CLEC16A: variants seen among roughly 807,000 people sequenced by gnomAD.
CLEC16A encodes the protein C-type lectin domain containing 16A.
Under a neutral mutation model 109.5 loss-of-function variants are expected in CLEC16A, and 51 were observed. The observed-to-expected ratio is 0.47, with a 90% CI of 0.37 to 0.59. CLEC16A has a LOEUF of 0.59. Among genes scored for constraint, CLEC16A ranks in the 20% least tolerant of loss-of-function variants. CLEC16A has a pLI of 0.00. For synonymous variants in CLEC16A, 673 were observed against 564.2 expected, an observed-to-expected ratio of 1.19 and a Z score of -2.73; for missense variants, 1,339 against 1,394.0, an observed-to-expected ratio of 0.96 and a Z score of 0.63.
chr16:11,038,685 A>G (rs1469024393), intron 13 of CLEC16A, among the ~76,000 whole-genome samples: 1 of 152,142 alleles, frequency 6.6e-6, no homozygotes, highest in African/African-American at 2.4e-5. Flanking sequence ...TTGAATTTTC[A>G]CTGGAGGAAA....
chr16:10,994,966 G>A (rs1238771757), intron 10 of CLEC16A, among the ~76,000 whole-genome samples: 2 of 152,220 alleles, frequency 1.3e-5, no homozygotes, highest in African/African-American at 4.8e-5. Context: ...CCTGGGCACT[G>A]GGGCTAGTTT....
intron 19 of CLEC16A, among the ~76,000 whole-genome samples, chr16:11,094,154 C>G (rs936451574): frequency 1.3e-5 from 2 of 152,170 alleles, no homozygotes; most frequent in African/African-American, 4.8e-5. Context: ...CAGAGTACTT[C>G]CTCTTTTGTA....
At chr16:11,081,295 A>G (rs1157790297) in intron 19 of CLEC16A, among the ~76,000 whole-genome samples, 2 of 152,096 alleles carry the variant, frequency 1.3e-5, no homozygotes, top group Non-Finnish European at 2.9e-5. Flanking sequence ...GTACAAGTTA[A>G]AATTCTTCCC....
At chr16:10,994,872 G>A (rs1411820636) in intron 10 of CLEC16A, among the ~76,000 whole-genome samples, 1 of 152,142 alleles carries the variant, frequency 6.6e-6, no homozygotes, top group Admixed American at 6.5e-5. Context: ...CAGTGCTCCC[G>A]GGAGGCTGGC....
intron 22 of CLEC16A, among the ~76,000 whole-genome samples, chr16:11,128,100 T>A (rs539680082): frequency 2.6e-4 from 39 of 152,326 alleles, no homozygotes; most frequent in African/African-American, 8.4e-4. Flanking sequence ...ATGACTTCTT[T>A]AGGGTCATTG....
At chr16:11,012,807 A>T (rs1002078107) in intron 11 of CLEC16A, among the ~76,000 whole-genome samples, 2 of 152,170 alleles carry the variant, frequency 1.3e-5, no homozygotes, top group African/African-American at 4.8e-5. Context: ...GGCTTGTTGA[A>T]TGCTTTCATA....
chr16:11,028,294 C>A (rs1274278417), intron 13 of CLEC16A, among the ~76,000 whole-genome samples: 5 of 152,188 alleles, frequency 3.3e-5, no homozygotes, highest in Non-Finnish European at 5.9e-5. Context: ...ACATTGGGTG[C>A]TGCGTCGTCT....
At chr16:11,157,871 C>T (rs1436098362) in intron 22 of CLEC16A, among the ~76,000 whole-genome samples, 7 of 152,146 alleles carry the variant, frequency 4.6e-5, no homozygotes, top group Non-Finnish European at 7.4e-5. Flanking sequence ...TCCTAGCCCC[C>T]GCCTGCCCTC....
At chr16:11,165,982 C>T (rs925748350) in intron 22 of CLEC16A, among the ~76,000 whole-genome samples, 7 of 152,206 alleles carry the variant, frequency 4.6e-5, no homozygotes, top group African/African-American at 1.2e-4. Context: ...AGCATGGGTC[C>T]GGTGCCCTTC....
At chr16:11,061,675 G>C (rs2048487469) in intron 19 of CLEC16A, among the ~76,000 whole-genome samples, 1 of 152,162 alleles carries the variant, frequency 6.6e-6, no homozygotes, top group South Asian at 2.1e-4. Context: ...TGAGCAGCAT[G>C]GTTTTCTGTT....
chr16:11,039,742 C>A lies in CLEC16A; in HGVS notation c.1538-12C>A, dbSNP rs200878023. ...AGGAGGCCTCCACTTACATCCTTCT[C>A]CTCTGTTCCAGGCATGGATCCTGAA... On this transcript the variant is annotated splice_polypyrimidine_tract_variant and intron_variant, in intron 13 of 23. Coordinates refer to ENST00000409790, the MANE Select transcript of CLEC16A (RefSeq NM_015226.3). The A allele has an allele frequency of 6.3e-7, 1 of 1,591,262 alleles. No individual in the cohort carries two copies. The highest frequency in any genetic ancestry group is 1.1e-5 in the South Asian group (1 of 87,080).
At chr16:11,130,920 A>T (rs188811359) in intron 22 of CLEC16A, among the ~76,000 whole-genome samples, 1 of 152,206 alleles carries the variant, frequency 6.6e-6, no homozygotes, top group Non-Finnish European at 1.5e-5. Context: ...ATTGTATTTG[A>T]TGAAAATATG....
Position 11,157,305 on chromosome 16 carries a change from C to T in CLEC16A, c.2642-9083C>T, listed in dbSNP as rs991511798. 25 of 1,055,818 alleles carry T rather than the reference C, an allele frequency of 2.4e-5. No individual in the cohort carries two copies. In the African/African-American group the frequency reaches 2.7e-4, roughly 11 times the overall value. The allele number at this position is 1,055,818 out of a possible 1,614,324, so 65.4% of individuals were successfully genotyped here. ...CTCAGGCTTGGCCCGGGAGGCCATA[C>T]GAACATCCCTTCCCCAGGTGCCTGA... On this transcript the variant is annotated intron_variant, in intron 22 of 23. Transcript: ENST00000409790.
Position 11,060,887 on chromosome 16 carries a change from G to T in CLEC16A, c.1996-15G>T, listed in dbSNP as rs200333537. 1.6e-5 allele frequency: 26 copies of T among 1,600,584 alleles called. No individual in the cohort carries two copies. Among genetic ancestry groups the T allele is most frequent in the Non-Finnish European group, 2.2e-5 (26 of 1,172,818 alleles). On this transcript the variant is annotated splice_polypyrimidine_tract_variant and intron_variant, in intron 18 of 23. Transcript: ENST00000409790. The stretch of plus-strand genomic sequence containing the variant: ...GCAATCTCACTCTTCTCTGCTCTCT[G>T]AACTGTTGGTCCAGGCCATCCGGGT...
intron 22 of CLEC16A, among the ~76,000 whole-genome samples, chr16:11,157,691 C>G (rs991023240): frequency 6.6e-6 from 1 of 151,476 alleles, no homozygotes; most frequent in Non-Finnish European, 1.5e-5. Context: ...GAGTCCCGGG[C>G]AAGGACCCAG....
chr16:10,956,985 C>T (rs1333224930), intron 1 of CLEC16A, among the ~76,000 whole-genome samples: 1 of 152,086 alleles, frequency 6.6e-6, no homozygotes, highest in East Asian at 1.9e-4. Flanking sequence ...TTAGTAGAGA[C>T]AGGGTTTCGC....
chr16:11,148,334 G>A (rs12927046), intron 22 of CLEC16A, among the ~76,000 whole-genome samples: 2 of 152,206 alleles, frequency 1.3e-5, no homozygotes, highest in Non-Finnish European at 2.9e-5. Flanking sequence ...CTTGGATGTA[G>A]TTAGGGCTAG....
chr16:10,946,729 A>G (rs894333002), intron 1 of CLEC16A, among the ~76,000 whole-genome samples: 3 of 152,168 alleles, frequency 2.0e-5, no homozygotes, highest in Admixed American at 6.5e-5. Context: ...CGAATGCATT[A>G]TTCTGTACCA....
intron 21 of CLEC16A, among the ~76,000 whole-genome samples, chr16:11,124,322 G>A (rs1267633152): frequency 1.3e-5 from 2 of 152,174 alleles, no homozygotes; most frequent in Non-Finnish European, 2.9e-5. Flanking sequence ...GGCCTGCTCT[G>A]CCCATTTTAC....
Sources: gnomAD v4.1 joint callset for allele counts (sites outside exome capture counted in the v4.1 genomes callset) on GRCh38, gnomAD v4.1.1 for gene constraint, MANE v1.5 for transcripts, NCBI Gene and HGNC (gene_info 2026-07-23, HGNC 2026-07-21) for gene names.